Variants in ZNF280B observed in about 807,000 individuals in gnomAD.
The protein encoded by ZNF280B is zinc finger protein 280B.
Under a neutral mutation model 38.0 loss-of-function variants are expected in ZNF280B, and 16 were observed. The ratio of observed to expected loss-of-function variants is 0.42; its 90% CI spans 0.28 to 0.64. The LOEUF is 0.64. ZNF280B is among the 30% of genes least tolerant of loss of function. The probability of loss-of-function intolerance (pLI) is 0.21; values close to 1 mark genes in which losing one functional copy is unlikely to be tolerated. For synonymous variants in ZNF280B, 253 were observed against 230.6 expected (o/e 1.10, Z -0.88); for missense variants, 581 against 639.6 (o/e 0.91, Z 0.99).
chr22:22,490,296 T>C (rs2061567502), intron 3 of ZNF280B, among the ~76,000 whole-genome samples: 1 of 151,866 alleles, frequency 6.6e-6, no homozygotes, highest in Non-Finnish European at 1.5e-5. Context: ...ACTGTATCAT[T>C]GTTCAGCTCA....
At position 22,498,163 on chromosome 22, in the gene ZNF280B, A is replaced by G. The variant is rs544564733; in HGVS notation, c.-186-3983T>C. On this transcript the variant is annotated intron_variant, in intron 2 of 3. Transcript: ENST00000626650. ...ATATCAGAAATAGATAAATCCATAG[A>G]TATTAAACAAAGATTTGTGGTTGCC... Among the ~76,000 whole-genome samples the G allele has an allele frequency of 2.6e-5, 4 of 152,126 alleles. No homozygotes were observed. In the South Asian group the frequency reaches 8.3e-4, roughly 32 times the overall value.
chr22:22,490,511 C>T (rs887080306), intron 3 of ZNF280B, among the ~76,000 whole-genome samples: 3 of 151,596 alleles, frequency 2.0e-5, no homozygotes, highest in South Asian at 2.1e-4. Flanking sequence ...GATGGAGTCC[C>T]GCTCTATCAC....
At chr22:22,495,360 T>C (rs772676483) in intron 2 of ZNF280B, among the ~76,000 whole-genome samples, 6 of 151,974 alleles carry the variant, frequency 3.9e-5, no homozygotes, top group South Asian at 4.1e-4. Context: ...CTTTAGGCAC[T>C]TGAGAGAAAT....
At position 22,486,635 on chromosome 22, in the gene ZNF280B, T is replaced by C. The variant is rs548938830; in HGVS notation, c.*1132A>G. The C allele has an allele frequency of 1.3e-5, 2 of 152,188 alleles. No individual in the cohort carries two copies. The highest frequency in any genetic ancestry group is 2.1e-4 in the South Asian group (1 of 4,810). 9.4% of individuals were successfully genotyped at this position (152,188 alleles called of 1,614,324 possible). On this transcript the variant is annotated 3_prime_UTR_variant, in exon 4 of 4. Coordinates refer to ENST00000626650, the MANE Select transcript of ZNF280B (RefSeq NM_080764.4). The stretch of plus-strand genomic sequence containing the variant: ...ACCAGGCACCATTCTATTAATTTTA[T>C]TGCTATTTCACCTCAAACCAATGAT...
At chr22:22,499,166 C>T (rs980350458) in intron 2 of ZNF280B, among the ~76,000 whole-genome samples, 8 of 151,776 alleles carry the variant, frequency 5.3e-5, no homozygotes, top group African/African-American at 1.5e-4. Context: ...ACATATATAA[C>T]GATTACATAC....
chr22:22,498,793 CTT>C (rs60940298), intron 2 of ZNF280B, among the ~76,000 whole-genome samples: 3 of 83,652 alleles, frequency 3.6e-5, no homozygotes, highest in African/African-American at 1.0e-4. Flanking sequence ...GGCCAATATC[CTT>C]TTTTTTTTTT....
chr22:22,490,593 G>C (rs1000540922), intron 3 of ZNF280B, among the ~76,000 whole-genome samples: 18 of 151,822 alleles, frequency 1.2e-4, no homozygotes, highest in African/African-American at 4.4e-4. Context: ...TCAGCCTCCT[G>C]AGTAGCTGGG....
In ZNF280B at chr22:22,489,442, A is replaced by G. The variant is rs1307639690; in HGVS notation, c.-44T>C. The G allele has an allele frequency of 2.0e-6, 3 of 1,524,260 alleles. No individual in the cohort carries two copies. Among genetic ancestry groups the G allele is most frequent in the Non-Finnish European group, 2.6e-6 (3 of 1,136,086 alleles). The allele number at this position is 1,524,260 out of a possible 1,614,324, so 94.4% of individuals were successfully genotyped here. On this transcript the variant is annotated 5_prime_UTR_variant, in exon 4 of 4. Coordinates refer to ENST00000626650, the MANE Select transcript of ZNF280B (RefSeq NM_080764.4). ...CTGAATGGTGGGGCCACAAGTCCCA[A>G]TGCTTCCTTTATATAAACTGCCACC...
rs1193513115 is a variant in ZNF280B at position 22,489,028 on chromosome 22, G to A, written c.371C>T (p.Pro124Leu). 2 of 1,613,720 alleles carry A rather than the reference G, an allele frequency of 1.2e-6. No homozygotes were observed. The highest frequency in any genetic ancestry group is 1.3e-5 in the African/African-American group (1 of 74,850). The change falls in exon 4 of 4, where the codon CCT (proline) becomes CTT (leucine). Residue 124 changes from proline to leucine, a missense_variant. Coordinates refer to ENST00000626650, the MANE Select transcript of ZNF280B (RefSeq NM_080764.4). ...SPIIIEPLSKPDYRNSSPQVV... is the reference protein window; with the variant it reads ...SPIIIEPLSKLDYRNSSPQVV... ...TTGTGGTGAACTATTTCTATAATCA[G>A]GTTTAGACAAAGGCTCAATAATAAT...
Position 22,493,509 on chromosome 22 carries a change from T to C in ZNF280B, c.-69+554A>G, listed in dbSNP as rs113909561. Among the ~76,000 whole-genome samples, 69 of 152,108 alleles carry C rather than the reference T, an allele frequency of 4.5e-4. 1 individual carries two copies. The highest frequency in any genetic ancestry group is 8.4e-4 in the Non-Finnish European group (57 of 68,002). On this transcript the variant is annotated intron_variant, in intron 3 of 3. Transcript: ENST00000626650. ...AGTCTTTAAGAATTAAAGTGTCTCA[T>C]TGGATTCATTTTTTCACTCTCTATT... is the stretch of plus-strand genomic sequence containing the variant.
intron 3 of ZNF280B, among the ~76,000 whole-genome samples, chr22:22,491,709 C>T (rs1213405317): frequency 1.3e-5 from 2 of 151,772 alleles, no homozygotes; most frequent in East Asian, 2.0e-4. Context: ...TCACCAGCCT[C>T]GGCCTCCCAA....
intron 2 of ZNF280B, among the ~76,000 whole-genome samples, chr22:22,502,116 G>A (rs867428410): frequency 2.4e-4 from 37 of 151,810 alleles, no homozygotes; most frequent in African/African-American, 7.0e-4. Context: ...AACAGAGCGA[G>A]ACCCTGTCTC....
intron 2 of ZNF280B, among the ~76,000 whole-genome samples, chr22:22,507,191 A>T (rs2061956038): frequency 6.6e-6 from 1 of 151,942 alleles, no homozygotes; most frequent in Non-Finnish European, 1.5e-5. Flanking sequence ...TTCCGCAGAG[A>T]CTGACAATCC....
chr22:22,502,113 C>CGA (rs1397940734), intron 2 of ZNF280B, among the ~76,000 whole-genome samples: 2 of 151,664 alleles, frequency 1.3e-5, no homozygotes, highest in Non-Finnish European at 2.9e-5. Flanking sequence ...GGCAACAGAG[C>CGA]GAGACCCTGT....
chr22:22,487,683 A>C lies in ZNF280B; in HGVS notation c.*84T>G. 6.6e-6 allele frequency: 8 copies of C among 1,204,538 alleles called. No individual in the cohort carries two copies. Among genetic ancestry groups the C allele is most frequent in the Non-Finnish European group, 9.2e-6 (8 of 864,920 alleles). 74.6% of individuals were successfully genotyped at this position (1,204,538 alleles called of 1,614,324 possible). A position where few individuals can be genotyped will look rare whatever the true frequency, so the allele number is the denominator to read the frequency against. On this transcript the variant is annotated 3_prime_UTR_variant, in exon 4 of 4. Coordinates refer to ENST00000626650, the MANE Select transcript of ZNF280B (RefSeq NM_080764.4). ...AGTTTCACTATTTTTGGTGCTACTG[A>C]ATAATGTATGGTTTGTATTTTTTGT...
chr22:22,489,750 C>T (rs990525796), intron 3 of ZNF280B, among the ~76,000 whole-genome samples: 1 of 151,750 alleles, frequency 6.6e-6, no homozygotes, highest in South Asian at 2.1e-4. Context: ...TTTATGAGGG[C>T]ATCATTGTGC....
chr22:22,506,690 T>G (rs933137758), intron 2 of ZNF280B, among the ~76,000 whole-genome samples: 3 of 151,828 alleles, frequency 2.0e-5, no homozygotes, highest in Non-Finnish European at 4.4e-5. Context: ...TCTGGAGAGA[T>G]AGAAAACTTA....
In ZNF280B at chr22:22,496,610, T is replaced by C. The variant is rs558834223; in HGVS notation, c.-186-2430A>G. ...GTTTAATGGGCATTCAATTCTAAGA[T>C]AGCAAACGTGTAGAGTTATTTGTGG... On this transcript the variant is annotated intron_variant, in intron 2 of 3. Coordinates refer to ENST00000626650, the MANE Select transcript of ZNF280B (RefSeq NM_080764.4). Among the ~76,000 whole-genome samples, 4 of 151,852 alleles carry C rather than the reference T, an allele frequency of 2.6e-5. No individual in the cohort carries two copies. The South Asian group carries it at 6.3e-4, about 24-fold the overall frequency.
At position 22,488,409 on chromosome 22, in the gene ZNF280B, T is replaced by C. The variant is rs1478711918; in HGVS notation, c.990A>G (p.Glu330=). The change falls in exon 4 of 4, where the codon GAA becomes GAG. Residue 330 remains glutamate, a synonymous_variant. Coordinates refer to ENST00000626650, the MANE Select transcript of ZNF280B (RefSeq NM_080764.4). ...KFMNHVKHHL[E]FEKQRNDSWE... is the part of the protein sequence containing the mutation. ...AGCTGTCGTTCCTCTGCTTCTCAAA[T>C]TCCAAATGATGCTTCACGTGATTCA... is the stretch of plus-strand genomic sequence containing the variant. 6.2e-7 allele frequency: 1 copy of C among 1,613,868 alleles called. No individual in the cohort carries two copies. The highest frequency in any genetic ancestry group is 8.5e-7 in the Non-Finnish European group (1 of 1,179,968).
Sources: gnomAD v4.1 joint callset for allele counts (sites outside exome capture counted in the v4.1 genomes callset) on GRCh38, gnomAD v4.1.1 for gene constraint, MANE v1.5 for transcripts, NCBI Gene and HGNC (gene_info 2026-07-23, HGNC 2026-07-21) for gene names.